The following FILIP1L variants were observed in gnomAD, a reference collection of about 807,000 sequenced individuals.
FILIP1L encodes the protein filamin A-interacting protein 1-like.
In FILIP1L, 55 loss-of-function variants were observed where a neutral mutation model predicts 96.6. That is an observed-to-expected ratio of 0.57 (90% CI 0.46 to 0.71). FILIP1L has a LOEUF of 0.71. FILIP1L is among the 30% of genes least tolerant of loss of function. The pLI, the probability that FILIP1L is intolerant of heterozygous loss-of-function variation, is 0.00. For synonymous variants in FILIP1L, 467 were observed against 473.9 expected (o/e 0.99, Z 0.19); for missense variants, 1,304 against 1,321.2 (o/e 0.99, Z 0.20).
intron 1 of FILIP1L, among the ~76,000 whole-genome samples, chr3:100,083,862 C>T (rs759823533): frequency 1.5e-4 from 23 of 152,122 alleles, no homozygotes; most frequent in Non-Finnish European, 2.6e-4. Flanking sequence ...GCATGAGCCA[C>T]GGTGCCTGGC....
rs1465948905 is a variant in FILIP1L at position 99,829,602 on chromosome 3, T to C, written c.*812A>G. Among the ~76,000 whole-genome samples the C allele has an allele frequency of 6.6e-6, 1 of 152,218 alleles. No homozygotes were observed. Among genetic ancestry groups the C allele is most frequent in the Non-Finnish European group, 1.5e-5 (1 of 68,034 alleles). ...TGTCACATGAATGAAAATCTAGGATTGGAATTTGAGTCTCCTAACCCCAAG... is the reference window on the plus strand; with the variant it reads ...TGTCACATGAATGAAAATCTAGGATCGGAATTTGAGTCTCCTAACCCCAAG... On this transcript the variant is annotated 3_prime_UTR_variant, in exon 6 of 6. Transcript: ENST00000477258.
At chr3:99,923,370 C>T (rs1398606817) in intron 4 of FILIP1L, among the ~76,000 whole-genome samples, 1 of 152,170 alleles carries the variant, frequency 6.6e-6, no homozygotes, top group Non-Finnish European at 1.5e-5. Flanking sequence ...GGACTCATCT[C>T]CTACCTACTC....
chr3:99,928,675 T>A (rs1308377776), intron 3 of FILIP1L, among the ~76,000 whole-genome samples: 1 of 152,230 alleles, frequency 6.6e-6, no homozygotes, highest in East Asian at 1.9e-4. Flanking sequence ...TGAGAGGTTA[T>A]GCCATTTGTA....
At chr3:100,062,040 C>G (rs188812293) in intron 1 of FILIP1L, among the ~76,000 whole-genome samples, 48 of 149,086 alleles carry the variant, frequency 3.2e-4, no homozygotes, top group African/African-American at 1.2e-3. Context: ...TATTACTTCC[C>G]TAGTAATACT....
intron 4 of FILIP1L, among the ~76,000 whole-genome samples, chr3:99,911,588 T>G (rs1454272041): frequency 6.6e-6 from 1 of 151,984 alleles, no homozygotes; most frequent in Non-Finnish European, 1.5e-5. Context: ...CTCCATAAAT[T>G]TATCTTTTTA....
At chr3:99,859,716 G>T (rs1238326546) in intron 4 of FILIP1L, among the ~76,000 whole-genome samples, 1 of 152,116 alleles carries the variant, frequency 6.6e-6, no homozygotes, top group Non-Finnish European at 1.5e-5. Flanking sequence ...TGGATTTCTA[G>T]CAGTTTGCAG....
intron 4 of FILIP1L, among the ~76,000 whole-genome samples, chr3:99,903,819 A>G (rs1454192419): frequency 1.3e-5 from 2 of 152,158 alleles, no homozygotes; most frequent in Non-Finnish European, 2.9e-5. Context: ...AAACTACACA[A>G]TGCTCTTTTC....
chr3:99,875,275 T>G (rs1028677018), intron 4 of FILIP1L, among the ~76,000 whole-genome samples: 1 of 152,212 alleles, frequency 6.6e-6, no homozygotes, highest in Non-Finnish European at 1.5e-5. Context: ...CAATAGCCTC[T>G]TCAGGATTTA....
At chr3:99,863,549 T>C (rs1036159501) in intron 4 of FILIP1L, among the ~76,000 whole-genome samples, 1 of 152,216 alleles carries the variant, frequency 6.6e-6, no homozygotes, top group East Asian at 1.9e-4. Flanking sequence ...AAGCAGCAGA[T>C]TGAAAGATAC....
chr3:99,869,865 G>C (rs1944702551), intron 4 of FILIP1L, among the ~76,000 whole-genome samples: 2 of 152,188 alleles, frequency 1.3e-5, no homozygotes, highest in South Asian at 4.1e-4. Flanking sequence ...AAATCTGGCA[G>C]ATTTGCTTCT....
At chr3:99,940,090 G>T (rs1012022367) in intron 1 of FILIP1L, among the ~76,000 whole-genome samples, 2 of 152,106 alleles carry the variant, frequency 1.3e-5, no homozygotes, top group Non-Finnish European at 2.9e-5. Flanking sequence ...AGGACAAAAA[G>T]AAATATAAAA....
At chr3:100,095,238 T>G (rs1173241125) in intron 1 of FILIP1L, among the ~76,000 whole-genome samples, 1 of 152,190 alleles carries the variant, frequency 6.6e-6, no homozygotes, top group African/African-American at 2.4e-5. Flanking sequence ...TCCATATAAA[T>G]TTTAGATCAT....
chr3:99,983,066 A>G (rs1709175109), intron 1 of FILIP1L, among the ~76,000 whole-genome samples: 2 of 152,164 alleles, frequency 1.3e-5, no homozygotes, highest in Admixed American at 1.3e-4. Flanking sequence ...GGAATAACAC[A>G]TGCAATGATG....
chr3:99,840,221 C>CTTTTTTTTTTTTTT (rs10935982), intron 5 of FILIP1L, among the ~76,000 whole-genome samples: 1 of 102,144 alleles, frequency 9.8e-6, no homozygotes, highest in Non-Finnish European at 1.9e-5. Context: ...TTCGTAGAAT[C>CTTTTTTTTTTTTTT]TTTTTTTTTT....
chr3:100,069,355 A>G (rs1327593693), intron 1 of FILIP1L, among the ~76,000 whole-genome samples: 1 of 151,864 alleles, frequency 6.6e-6, no homozygotes, highest in East Asian at 1.9e-4. Context: ...AAATTACCTA[A>G]TTTTTGCAAC....
chr3:100,109,483 C>T (rs2066451938), intron 1 of FILIP1L, among the ~76,000 whole-genome samples: 1 of 152,150 alleles, frequency 6.6e-6, no homozygotes, highest in African/African-American at 2.4e-5. Flanking sequence ...TAGTCAGTTC[C>T]TCCCCTCAGC....
At chr3:99,889,981 G>A (rs1706032794) in intron 4 of FILIP1L, among the ~76,000 whole-genome samples, 2 of 151,636 alleles carry the variant, frequency 1.3e-5, no homozygotes, top group South Asian at 2.1e-4. Context: ...CACTTTCTTC[G>A]CCTCTTATTT....
intron 1 of FILIP1L, among the ~76,000 whole-genome samples, chr3:100,042,000 T>G (rs1464635286): frequency 2.0e-5 from 3 of 152,206 alleles, no homozygotes; most frequent in Non-Finnish European, 4.4e-5. Flanking sequence ...CTATATGATC[T>G]GAGTCCCTTT....
intron 1 of FILIP1L, among the ~76,000 whole-genome samples, chr3:100,082,583 G>A (rs1204051921): frequency 6.6e-6 from 1 of 152,164 alleles, no homozygotes; most frequent in Admixed American, 6.6e-5. Context: ...CAGCAGCATG[G>A]CATTCATATT....
Sources: gnomAD v4.1 joint callset for allele counts (sites outside exome capture counted in the v4.1 genomes callset) on GRCh38, gnomAD v4.1.1 for gene constraint, MANE v1.5 for transcripts, NCBI Gene and HGNC (gene_info 2026-07-23, HGNC 2026-07-21) for gene names.